Variants in AFG2A observed in about 807,000 individuals in gnomAD.
The protein encoded by AFG2A is ATPase family gene 2 protein homolog A.
chr4:123,205,228 G>A, the AFG2A span, among the ~76,000 whole-genome samples: 2 of 152,070 alleles, frequency 1.3e-5, no homozygotes, highest in African/African-American at 4.8e-5. Context: ...GAGTACAGTG[G>A]TATATAAGTA....
At chr4:123,199,443 TTCAATGATATACTCAGA>T in the AFG2A span, among the ~76,000 whole-genome samples, 1 of 150,942 alleles carries the variant, frequency 6.6e-6, no homozygotes, top group Non-Finnish European at 1.5e-5. Flanking sequence ...ATGGAATCTT[TTCAATGATATACTCAGA>T]GGTTTTTTTT....
the AFG2A span, among the ~76,000 whole-genome samples, chr4:123,149,458 G>A: frequency 0.61 from 92,689 of 152,098 alleles, 33,097 homozygotes; most frequent in East Asian, 0.97. Flanking sequence ...AATGAAGACC[G>A]AAGCTTTTTC....
the AFG2A span, among the ~76,000 whole-genome samples, chr4:122,948,100 G>A: frequency 2.6e-5 from 4 of 152,160 alleles, no homozygotes; most frequent in East Asian, 7.7e-4. Flanking sequence ...GTTAGTTTTT[G>A]GGGGAGTCAG....
chr4:123,283,578 A>T, the AFG2A span, among the ~76,000 whole-genome samples: 2 of 152,218 alleles, frequency 1.3e-5, no homozygotes, highest in African/African-American at 4.8e-5. Context: ...ATCAGGGATC[A>T]TTAAACTACA....
the AFG2A span, among the ~76,000 whole-genome samples, chr4:123,257,318 C>CA: frequency 8.1e-4 from 124 of 152,308 alleles, 2 homozygotes; most frequent in Non-Finnish European, 2.1e-4. Flanking sequence ...AAGTGGTACA[C>CA]ACTCAGTACA....
the AFG2A span, among the ~76,000 whole-genome samples, chr4:123,019,407 G>A: frequency 6.6e-6 from 1 of 152,078 alleles, no homozygotes; most frequent in South Asian, 2.1e-4. Context: ...ATGCACACAT[G>A]TGTGTTTGCA....
At chr4:123,293,410 C>T in the AFG2A span, among the ~76,000 whole-genome samples, 2 of 152,158 alleles carry the variant, frequency 1.3e-5, no homozygotes, top group African/African-American at 2.4e-5. Flanking sequence ...TTAATTTTGT[C>T]CCACAGGGTG....
chr4:123,148,825 G>A, the AFG2A span, among the ~76,000 whole-genome samples: 3 of 148,008 alleles, frequency 2.0e-5, no homozygotes. Context: ...CTGGAGTGCA[G>A]TGGCACGATC....
chr4:123,082,768 T>A, the AFG2A span, among the ~76,000 whole-genome samples: 4 of 152,102 alleles, frequency 2.6e-5, no homozygotes, highest in African/African-American at 9.7e-5. Flanking sequence ...AGAATTGACA[T>A]CTTAACAGTG....
At chr4:123,115,865 G>A in the AFG2A span, among the ~76,000 whole-genome samples, 1 of 152,314 alleles carries the variant, frequency 6.6e-6, no homozygotes, top group Non-Finnish European at 1.5e-5. Context: ...TACAGTGATG[G>A]ATGGACTAGC....
chr4:123,013,455 C>T, the AFG2A span, among the ~76,000 whole-genome samples: 5 of 152,054 alleles, frequency 3.3e-5, no homozygotes, highest in Non-Finnish European at 4.4e-5. Context: ...TTCTAGGATA[C>T]GTGTACAGAA....
At chr4:122,925,312 T>C in the AFG2A span, among the ~76,000 whole-genome samples, 1 of 152,210 alleles carries the variant, frequency 6.6e-6, no homozygotes, top group Admixed American at 6.5e-5. Flanking sequence ...CAGCTTCCAA[T>C]TTTGCCCCTT....
the AFG2A span, among the ~76,000 whole-genome samples, chr4:123,029,188 C>T: frequency 6.6e-6 from 1 of 152,164 alleles, no homozygotes; most frequent in African/African-American, 2.4e-5. Context: ...AGCTCCGCCT[C>T]CCAGGTTCAT....
the AFG2A span, among the ~76,000 whole-genome samples, chr4:123,137,835 T>G: frequency 6.6e-6 from 1 of 152,200 alleles, no homozygotes; most frequent in Non-Finnish European, 1.5e-5. Context: ...ATTTTAAAAT[T>G]TCTTTGTTTT....
chr4:123,134,174 T>C, the AFG2A span, among the ~76,000 whole-genome samples: 1 of 152,156 alleles, frequency 6.6e-6, no homozygotes, highest in Non-Finnish European at 1.5e-5. Context: ...TGAGGTTATA[T>C]CCAAGAAATC....
the AFG2A span, among the ~76,000 whole-genome samples, chr4:123,302,950 C>T: frequency 6.6e-6 from 1 of 151,972 alleles, no homozygotes; most frequent in South Asian, 2.1e-4. Flanking sequence ...TGTTGTATTC[C>T]CCAGTGTCTG....
chr4:123,085,696 A>T, the AFG2A span, among the ~76,000 whole-genome samples: 1 of 152,096 alleles, frequency 6.6e-6, no homozygotes, highest in African/African-American at 2.4e-5. Flanking sequence ...GTTGATGTGT[A>T]AAGTGATTAT....
At chr4:123,169,809 C>A in the AFG2A span, among the ~76,000 whole-genome samples, 1 of 152,090 alleles carries the variant, frequency 6.6e-6, no homozygotes, top group African/African-American at 2.4e-5. Flanking sequence ...AACCTAAACC[C>A]TTTCCTCTTA....
At chr4:123,170,886 G>A in the AFG2A span, among the ~76,000 whole-genome samples, 15,805 of 151,894 alleles carry the variant, frequency 0.1, 914 homozygotes, top group Middle Eastern at 0.2. Context: ...AACCTACTCG[G>A]CCTCAATTTT....
Sources: gnomAD v4.1 joint callset for allele counts (sites outside exome capture counted in the v4.1 genomes callset) on GRCh38, gnomAD v4.1.1 for gene constraint, MANE v1.5 for transcripts, NCBI Gene and HGNC (gene_info 2026-07-23, HGNC 2026-07-21) for gene names.